Variants in KCNAB1 observed in about 807,000 individuals in gnomAD.
KCNAB1 encodes the protein voltage-gated potassium channel subunit beta-1.
In KCNAB1, 35 loss-of-function variants were observed where a neutral mutation model predicts 64.6. The observed-to-expected ratio is 0.54, with a 90% CI of 0.41 to 0.72. KCNAB1 has a LOEUF of 0.72. Among genes scored for constraint, KCNAB1 ranks in the 30% least tolerant of loss-of-function variants. The pLI, the probability that KCNAB1 is intolerant of heterozygous loss-of-function variation, is 0.00. For missense variants in KCNAB1, 401 were observed against 512.9 expected, an observed-to-expected ratio of 0.78 and a Z score of 2.11; for synonymous variants, 177 against 183.8, an observed-to-expected ratio of 0.96 and a Z score of 0.30.
intron 1 of KCNAB1, among the ~76,000 whole-genome samples, chr3:156,207,328 G>A (rs574192234): frequency 6.6e-6 from 1 of 152,296 alleles, no homozygotes; most frequent in East Asian, 1.9e-4. Context: ...GGCTGACTCT[G>A]TCTCTTGACC....
At chr3:156,372,237 A>T (rs1364448167) in intron 1 of KCNAB1, among the ~76,000 whole-genome samples, 1 of 152,248 alleles carries the variant, frequency 6.6e-6, no homozygotes, top group Non-Finnish European at 1.5e-5. Flanking sequence ...AATACATTGA[A>T]TAGTAGGATA....
chr3:156,303,267 T>C (rs780011058), intron 1 of KCNAB1, among the ~76,000 whole-genome samples: 172 of 152,224 alleles, frequency 1.1e-3, no homozygotes, highest in Non-Finnish European at 5.0e-4. Context: ...TAAGTCTATA[T>C]ACTCTCTCTT....
At chr3:156,253,131 A>C (rs1457980788) in intron 1 of KCNAB1, among the ~76,000 whole-genome samples, 2 of 152,210 alleles carry the variant, frequency 1.3e-5, no homozygotes, top group Non-Finnish European at 2.9e-5. Context: ...GTCATGGCAT[A>C]TACATAGAAG....
intron 2 of KCNAB1, among the ~76,000 whole-genome samples, chr3:156,428,168 C>T (rs1347231436): frequency 6.6e-6 from 1 of 152,156 alleles, no homozygotes; most frequent in Non-Finnish European, 1.5e-5. Context: ...AACATTTGAA[C>T]TTACAGACTG....
chr3:156,538,141 T>C lies in KCNAB1; in HGVS notation c.*1394T>C, dbSNP rs1719187918. The C allele has an allele frequency of 1.5e-5, 2 of 133,942 alleles. No homozygotes were observed. Among genetic ancestry groups the C allele is most frequent in the African/African-American group, 2.8e-5 (1 of 36,328 alleles). The allele number at this position is 133,942 out of a possible 1,614,324, so 8.3% of individuals were successfully genotyped here. A position where few individuals can be genotyped will look rare whatever the true frequency, so the allele number is the denominator to read the frequency against. On this transcript the variant is annotated 3_prime_UTR_variant, in exon 14 of 14. Coordinates refer to ENST00000490337, the MANE Select transcript of KCNAB1 (RefSeq NM_172160.3). ...AATATCTGTAAAAAGAGAGAAAACATGTTTTGTTTTTTTTTGAAGGGGGTG... is the reference window on the plus strand; with the variant it reads ...AATATCTGTAAAAAGAGAGAAAACACGTTTTGTTTTTTTTTGAAGGGGGTG...
intron 1 of KCNAB1, among the ~76,000 whole-genome samples, chr3:156,343,594 A>G (rs1484917041): frequency 1.3e-5 from 2 of 152,176 alleles, no homozygotes; most frequent in African/African-American, 2.4e-5. Flanking sequence ...GAAAGGCCCC[A>G]GTTCTCACTG....
intron 1 of KCNAB1, among the ~76,000 whole-genome samples, chr3:156,258,605 C>T (rs2108475086): frequency 6.6e-6 from 1 of 152,292 alleles, no homozygotes; most frequent in Non-Finnish European, 1.5e-5. Flanking sequence ...CTCCCTCCTC[C>T]ACATGACAGC....
chr3:156,138,340 G>A (rs1366338645), intron 1 of KCNAB1, among the ~76,000 whole-genome samples: 1 of 152,146 alleles, frequency 6.6e-6, no homozygotes, highest in Non-Finnish European at 1.5e-5. Context: ...ATATGCGCTG[G>A]ACTGTAGTGT....
chr3:156,378,185 A>G (rs577295044), intron 1 of KCNAB1, among the ~76,000 whole-genome samples: 1 of 152,278 alleles, frequency 6.6e-6, no homozygotes, highest in East Asian at 1.9e-4. Context: ...TCAGCTCTTC[A>G]TCATTAGAAT....
chr3:156,400,380 G>C (rs916055226), intron 1 of KCNAB1, among the ~76,000 whole-genome samples: 2 of 152,146 alleles, frequency 1.3e-5, no homozygotes, highest in Non-Finnish European at 2.9e-5. Flanking sequence ...TTTAGACTCT[G>C]ATACTTTTTT....
At chr3:156,293,422 A>G (rs1720584038) in intron 1 of KCNAB1, among the ~76,000 whole-genome samples, 1 of 152,242 alleles carries the variant, frequency 6.6e-6, no homozygotes, top group Non-Finnish European at 1.5e-5. Context: ...TGCATAGGCA[A>G]CATGTGTTTC....
intron 1 of KCNAB1, among the ~76,000 whole-genome samples, chr3:156,187,087 C>T (rs6806129): frequency 0.57 from 86,516 of 152,022 alleles, 25,330 homozygotes; most frequent in East Asian, 0.9. Context: ...TTCCTGGGCT[C>T]AAGCCATCCT....
intron 1 of KCNAB1, among the ~76,000 whole-genome samples, chr3:156,403,608 A>C (rs1220133649): frequency 6.6e-6 from 1 of 152,186 alleles, no homozygotes; most frequent in African/African-American, 2.4e-5. Context: ...TAAAACAAAA[A>C]GGGGAGCTGG....
At chr3:156,463,057 C>T (rs1356505264) in intron 5 of KCNAB1, among the ~76,000 whole-genome samples, 2 of 152,114 alleles carry the variant, frequency 1.3e-5, no homozygotes, top group Non-Finnish European at 2.9e-5. Flanking sequence ...ATGACATTTC[C>T]ATTTAATAAG....
At chr3:156,364,456 G>A (rs1012889023) in intron 1 of KCNAB1, among the ~76,000 whole-genome samples, 2 of 152,160 alleles carry the variant, frequency 1.3e-5, no homozygotes, top group African/African-American at 2.4e-5. Context: ...CCCTCACACA[G>A]CAATGGAGAT....
upstream of KCNAB1, among the ~76,000 whole-genome samples, chr3:156,119,113 G>A (rs761705835): frequency 8.5e-5 from 13 of 152,198 alleles, no homozygotes; most frequent in Admixed American, 2.6e-4. Context: ...ATGTGCAAGA[G>A]CCCACATGGC....
intron 1 of KCNAB1, among the ~76,000 whole-genome samples, chr3:156,277,175 C>T (rs141406732): frequency 6.6e-6 from 1 of 152,118 alleles, no homozygotes; most frequent in Non-Finnish European, 1.5e-5. Context: ...TGGTAGAGCA[C>T]TGAGAACACA....
intron 1 of KCNAB1, among the ~76,000 whole-genome samples, chr3:156,305,375 A>T (rs1016046094): frequency 6.6e-6 from 1 of 152,204 alleles, no homozygotes; most frequent in Non-Finnish European, 1.5e-5. Context: ...TCAATAAAGG[A>T]TTGCAGGATG....
At chr3:156,249,390 G>A (rs768879677) in intron 1 of KCNAB1, among the ~76,000 whole-genome samples, 18 of 151,850 alleles carry the variant, frequency 1.2e-4, no homozygotes, top group Non-Finnish European at 2.5e-4. Flanking sequence ...TGGCCAACCT[G>A]GCGTAACCCT....
Sources: gnomAD v4.1 joint callset for allele counts (sites outside exome capture counted in the v4.1 genomes callset) on GRCh38, gnomAD v4.1.1 for gene constraint, MANE v1.5 for transcripts, NCBI Gene and HGNC (gene_info 2026-07-23, HGNC 2026-07-21) for gene names.